Variants in CAPN8 observed in about 807,000 individuals in gnomAD.
CAPN8 encodes the protein calpain-8.
In CAPN8, 87 loss-of-function variants were observed where a neutral mutation model predicts 80.9. That is an observed-to-expected ratio of 1.07 (90% CI 0.90 to 1.28). CAPN8 has a LOEUF of 1.28. Ranked by LOEUF, CAPN8 falls within the 50% of genes most tolerant of loss-of-function variation. The pLI is 0.00. For synonymous variants in CAPN8, 299 were observed against 273.8 expected (o/e 1.09, Z -0.91); for missense variants, 757 against 702.0 (o/e 1.08, Z -0.89).
intron 2 of CAPN8, among the ~76,000 whole-genome samples, chr1:223,652,128 T>C (rs1256240477): frequency 6.6e-6 from 1 of 151,914 alleles, no homozygotes; most frequent in Non-Finnish European, 1.5e-5. Context: ...AAATCAACTG[T>C]TTTAAAAAAA....
intron 2 of CAPN8, among the ~76,000 whole-genome samples, chr1:223,649,254 T>C (rs1167342698): frequency 6.6e-6 from 1 of 152,220 alleles, no homozygotes; most frequent in Non-Finnish European, 1.5e-5. Flanking sequence ...TAGGCACAAA[T>C]GATACCACAC....
intron 5 of CAPN8, among the ~76,000 whole-genome samples, chr1:223,626,745 C>G (rs1572241550): frequency 6.6e-6 from 1 of 152,162 alleles, no homozygotes; most frequent in Non-Finnish European, 1.5e-5. Flanking sequence ...TGAAGGGGCT[C>G]TAACAACGAG....
intron 20 of CAPN8, 60 bp from the exon 21 acceptor site, chr1:223,541,919 A>G: frequency 1.3e-6 from 2 of 1,550,996 alleles, no homozygotes; most frequent in Admixed American, 2.0e-5. Context: ...TGCTTTCACC[A>G]TTGATGCTCT....
At chr1:223,545,195 C>T (rs1656587166) in intron 17 of CAPN8, 36 bp downstream of exon 17, 1 of 1,551,562 alleles carries the variant, frequency 6.4e-7, no homozygotes, top group African/African-American at 1.4e-5. Flanking sequence ...AGGATTAGAA[C>T]AGAGGAGAGG....
At chr1:223,556,637 C>T (rs1368961687) in intron 13 of CAPN8, among the ~76,000 whole-genome samples, 1 of 152,150 alleles carries the variant, frequency 6.6e-6, no homozygotes, top group Non-Finnish European at 1.5e-5. Context: ...TTAGAAAACC[C>T]CAATATCATG....
intron 4 of CAPN8, 40 bp downstream of exon 4, chr1:223,627,969 A>C: frequency 6.7e-7 from 1 of 1,491,134 alleles, no homozygotes; most frequent in Non-Finnish European, 9.0e-7. Flanking sequence ...GCTTTCAGGG[A>C]GGCTCTGGCG....
chr1:223,623,700 A>G (rs549297076), intron 6 of CAPN8, among the ~76,000 whole-genome samples: 1 of 152,196 alleles, frequency 6.6e-6, no homozygotes, highest in Non-Finnish European at 1.5e-5. Flanking sequence ...TAACTTCATT[A>G]AAGAGCATAT....
At chr1:223,641,635 C>T (rs79945607) in intron 2 of CAPN8, among the ~76,000 whole-genome samples, 115 of 152,302 alleles carry the variant, frequency 7.6e-4, no homozygotes, top group Middle Eastern at 6.8e-3. Flanking sequence ...GCCTCCCTCT[C>T]CACTCTCAGC....
rs180846371 is a variant in CAPN8, at chr1:223,610,652, A to G, written c.1324-1288T>C. Among the ~76,000 whole-genome samples, 308 of 152,260 alleles carry G rather than the reference A, an allele frequency of 2.0e-3. 1 individual carries two copies. Among genetic ancestry groups the G allele is most frequent in the South Asian group, 0.011 (52 of 4,824 alleles). ...AGAATCCAGGGGTGGAGCAGGTTAGAGAAGTCCTATTTGGGGGCCAGAGTG... is the reference window on the plus strand; with the variant it reads ...AGAATCCAGGGGTGGAGCAGGTTAGGGAAGTCCTATTTGGGGGCCAGAGTG... On this transcript the variant is annotated intron_variant, in intron 11 of 20. Coordinates refer to ENST00000366872, the MANE Select transcript of CAPN8 (RefSeq NM_001143962.2).
intron 4 of CAPN8, 81 bp downstream of exon 4, chr1:223,627,928 G>C (rs1657641489): frequency 1.4e-6 from 2 of 1,428,104 alleles, no homozygotes; most frequent in Admixed American, 2.7e-5. Context: ...AGTTTGGGGT[G>C]GGGAGGCAGA....
intron 1 of CAPN8, among the ~76,000 whole-genome samples, chr1:223,656,433 T>C (rs1029287394): frequency 2.0e-5 from 3 of 151,892 alleles, no homozygotes; most frequent in African/African-American, 7.3e-5. Flanking sequence ...GCACTCCAGC[T>C]TGGGCAACAA....
chr1:223,613,766 T>G (rs1657095824), intron 10 of CAPN8, among the ~76,000 whole-genome samples: 1 of 152,162 alleles, frequency 6.6e-6, no homozygotes, highest in South Asian at 2.1e-4. Flanking sequence ...TCATCCTCAA[T>G]CCAAACTCCA....
chr1:223,664,089 C>A (rs1055505975), intron 1 of CAPN8, among the ~76,000 whole-genome samples: 1 of 152,148 alleles, frequency 6.6e-6, no homozygotes, highest in Non-Finnish European at 1.5e-5. Flanking sequence ...AGGTTCTCAT[C>A]CCTGAGGAAT....
At position 223,543,244 on chromosome 1, in the gene CAPN8, T is replaced by A. The variant is rs188467545; in HGVS notation, c.2030-78A>T. The A allele has an allele frequency of 6.7e-3, 10,039 of 1,488,466 alleles. 86 individuals carry two copies. Among genetic ancestry groups the A allele is most frequent in the South Asian group, 0.026 (2,096 of 81,058 alleles). The allele number at this position is 1,488,466 out of a possible 1,614,324, so 92.2% of individuals were successfully genotyped here. The stretch of plus-strand genomic sequence containing the variant: ...GAACAATCAGAGAGCTGCCTCTGTC[T>A]ACCCCATCCCCACCTGCGGAACTCT... On this transcript the variant is annotated intron_variant, in intron 19 of 20. Transcript: ENST00000366872.
intron 16 of CAPN8, among the ~76,000 whole-genome samples, chr1:223,546,390 C>T (rs141804476): frequency 1.3e-5 from 2 of 152,118 alleles, no homozygotes; most frequent in African/African-American, 2.4e-5. Context: ...AATAAGACCC[C>T]ATCTCTGAAT....
intron 6 of CAPN8, among the ~76,000 whole-genome samples, chr1:223,623,839 C>CA (rs1024775677): frequency 7.3e-5 from 11 of 151,436 alleles, no homozygotes; most frequent in African/African-American, 1.9e-4. Flanking sequence ...ACTAAAAATA[C>CA]AAAAAAAATA....
At position 223,541,756 on chromosome 1, in the gene CAPN8, A is replaced by T; in HGVS notation, c.*80T>A. On this transcript the variant is annotated 3_prime_UTR_variant, in exon 21 of 21. Coordinates refer to ENST00000366872, the MANE Select transcript of CAPN8 (RefSeq NM_001143962.2). ...ACCAGTGAATGCCACTGGAGCATAA[A>T]TGTTCACAAAATTGTAGAGAAGGGG... is the stretch of plus-strand genomic sequence containing the variant. 6.5e-7 allele frequency: 1 copy of T among 1,549,194 alleles called. No homozygotes were observed. The highest frequency in any genetic ancestry group is 1.2e-5 in the South Asian group (1 of 83,972).
Position 223,609,254 on chromosome 1 carries a change from C to G in CAPN8, c.1434G>C (p.Arg478=). The G allele has an allele frequency of 2.5e-6, 1 of 398,476 alleles. No homozygotes were observed. The highest frequency in any genetic ancestry group is 1.3e-4 in the South Asian group (1 of 7,856). 24.7% of individuals were successfully genotyped at this position (398,476 alleles called of 1,614,324 possible). ...CCACCAGGTACTCCCCAGGGGGCAG[C>G]CGGGCCCGGCCAGAGACCTCCCGCA... ...VNLREVSGRA[R]LPPGEYLVVP... is the part of the protein sequence containing the mutation. Residue 478 remains arginine (R), a synonymous_variant, in exon 12 of 21, where the codon CGG becomes CGC. Coordinates refer to ENST00000366872, the MANE Select transcript of CAPN8 (RefSeq NM_001143962.2).
intron 2 of CAPN8, among the ~76,000 whole-genome samples, chr1:223,635,099 T>C (rs1657880036): frequency 1.3e-5 from 2 of 152,236 alleles, no homozygotes; most frequent in Non-Finnish European, 2.9e-5. Context: ...ATTTTGACCC[T>C]GCTAATATAT....
Sources: allele counts gnomAD v4.1 joint callset (sites outside exome capture counted in the v4.1 genomes callset), GRCh38; gene constraint gnomAD v4.1.1; transcripts MANE v1.5; gene names NCBI Gene and HGNC (gene_info 2026-07-23, HGNC 2026-07-21).